The following SCP2 variants were observed in gnomAD, a reference collection of about 807,000 sequenced individuals.
The protein encoded by SCP2 is SCP-2/3-oxoacyl-CoA thiolase.
SCP2 carries 48 observed loss-of-function variants against 71.4 expected under a neutral mutation model. The ratio of observed to expected loss-of-function variants is 0.67; its 90% CI spans 0.53 to 0.86. The LOEUF (loss-of-function observed/expected upper bound fraction) is 0.86. SCP2 is among the 40% of genes least tolerant of loss of function. SCP2 has a pLI of 0.00. For synonymous variants in SCP2, 220 were observed against 218.1 expected, an observed-to-expected ratio of 1.01 and a Z score of -0.08; for missense variants, 560 against 655.6, an observed-to-expected ratio of 0.85 and a Z score of 1.59.
rs192341480 is a variant in SCP2 at position 52,988,306 on chromosome 1, A to G, written c.1081+170A>G. Among the ~76,000 whole-genome samples the G allele has an allele frequency of 2.4e-3, 369 of 152,352 alleles. 1 individual carries two copies. The highest frequency in any genetic ancestry group is 0.017 in the Middle Eastern group (5 of 294). ...ATGTTCCATTAAGTAGAGCACACTT[A>G]AATAATCTTCATTAATTGATGAGAA... On this transcript the variant is annotated intron_variant, in intron 11 of 15. Transcript: ENST00000371514.
intron 11 of SCP2, among the ~76,000 whole-genome samples, chr1:53,002,378 C>G (rs993755186): frequency 1.3e-5 from 2 of 152,118 alleles, no homozygotes; most frequent in Admixed American, 1.3e-4. Flanking sequence ...AAAGGGAATA[C>G]ATTTGTTTAA....
chr1:53,002,274 C>T (rs1281633555), intron 11 of SCP2, among the ~76,000 whole-genome samples: 1 of 152,064 alleles, frequency 6.6e-6, no homozygotes, highest in Non-Finnish European at 1.5e-5. Context: ...TTTCATTTGT[C>T]TCTCTACCTT....
rs71044447 is a variant in SCP2, at chr1:52,960,480, A to ATGTGTG, written c.397-989_397-984dup. Among the ~76,000 whole-genome samples, 1,341 of 139,574 alleles carry ATGTGTG rather than the reference A, an allele frequency of 9.6e-3. 20 individuals are homozygous for ATGTGTG. Among genetic ancestry groups the ATGTGTG allele is most frequent in the African/African-American group, 0.025 (905 of 36,276 alleles). 91.6% of individuals were successfully genotyped at this position (139,574 alleles called of 152,430 possible). A position where few individuals can be genotyped will look rare whatever the true frequency, so the allele number is the denominator to read the frequency against. On this transcript the variant is annotated intron_variant, in intron 5 of 15. Coordinates refer to ENST00000371514, the MANE Select transcript of SCP2 (RefSeq NM_002979.5). The stretch of plus-strand genomic sequence containing the variant: ...CCCACCATGCCTGGCTACTATGTAT[A>ATGTGTG]TGTGTGTGTGTGTGTGTGTGTGTGT...
intron 6 of SCP2, among the ~76,000 whole-genome samples, chr1:52,968,087 C>T (rs142275820): frequency 2.0e-5 from 3 of 152,110 alleles, no homozygotes; most frequent in Non-Finnish European, 2.9e-5. Context: ...ACTACAGGTG[C>T]GTGCCACCAT....
At chr1:52,987,954 G>A (rs1287085915) in intron 10 of SCP2, 75 bp from the exon 11 acceptor site, 5 of 828,272 alleles carry the variant, frequency 6.0e-6, no homozygotes, top group Non-Finnish European at 1.0e-5. Context: ...TTGGCTATAT[G>A]GAAATCTTAT....
At position 52,975,411 on chromosome 1, in the gene SCP2, C is replaced by G. The variant is rs1657876913; in HGVS notation, c.587+579C>G. On this transcript the variant is annotated intron_variant, in intron 7 of 15. Coordinates refer to ENST00000371514, the MANE Select transcript of SCP2 (RefSeq NM_002979.5). ...GGCCAGGCTGGTCTTGAACTTTGACCTCGTGATCCACCTGCCTCTGCCTCC... is the reference window on the plus strand; with the variant it reads ...GGCCAGGCTGGTCTTGAACTTTGACGTCGTGATCCACCTGCCTCTGCCTCC... Among the ~76,000 whole-genome samples the G allele has an allele frequency of 2.0e-5, 3 of 152,142 alleles. No homozygotes were observed. The South Asian group carries it at 6.2e-4, about 32-fold the overall frequency.
intron 4 of SCP2, among the ~76,000 whole-genome samples, chr1:52,952,775 T>C (rs1325197027): frequency 1.3e-5 from 2 of 152,010 alleles, no homozygotes; most frequent in African/African-American, 4.8e-5. Context: ...TTTTAAAACT[T>C]GGGGTAGCGG....
At chr1:53,006,930 A>G (rs1163232702) in intron 11 of SCP2, among the ~76,000 whole-genome samples, 1 of 152,000 alleles carries the variant, frequency 6.6e-6, no homozygotes, top group Non-Finnish European at 1.5e-5. Context: ...AAAGGGATGG[A>G]GGAAGATCTA....
chr1:53,003,907 T>C (rs960334315), intron 11 of SCP2, among the ~76,000 whole-genome samples: 1 of 152,194 alleles, frequency 6.6e-6, no homozygotes, highest in Non-Finnish European at 1.5e-5. Context: ...GCCATTTTTT[T>C]CCCTTAAAGT....
chr1:53,039,038 C>T lies in SCP2; in HGVS notation c.1460C>T (p.Pro487Leu), dbSNP rs1663226037. ...DVKNGKGSVL[P>L]NSDKKADCTI... ...AAGAATGGCAAAGGATCAGTGCTTC[C>T]TAACTCAGGTTAGTTTGGGAATGAC... is the stretch of plus-strand genomic sequence containing the variant. Residue 487 changes from proline (P) to leucine (L), a missense_variant, in exon 14 of 16, where the codon CCT becomes CTT. Around this residue, in one of 3 missense-constraint regions of SCP2, gnomAD observed 4 missense variants for 16.6 expected, o/e 0.24. Coordinates refer to ENST00000371514, the MANE Select transcript of SCP2 (RefSeq NM_002979.5). 6.2e-7 allele frequency: 1 copy of T among 1,614,042 alleles called. No individual in the cohort carries two copies. The highest frequency in any genetic ancestry group is 1.3e-5 in the African/African-American group (1 of 74,926).
At chr1:52,969,905 T>C (rs76073008) in intron 6 of SCP2, among the ~76,000 whole-genome samples, 8,486 of 152,262 alleles carry the variant, frequency 0.056, 394 homozygotes, top group African/African-American at 0.12. Flanking sequence ...TGTTCATTCA[T>C]GTCATAGCAT....
intron 3 of SCP2, among the ~76,000 whole-genome samples, chr1:52,949,049 G>C (rs1223846342): frequency 1.3e-5 from 2 of 151,560 alleles, no homozygotes; most frequent in Non-Finnish European, 2.9e-5. Flanking sequence ...ATCTACTACA[G>C]CTTATTTAGA....
chr1:52,972,812 C>T (rs920090087), intron 6 of SCP2, among the ~76,000 whole-genome samples: 4 of 152,214 alleles, frequency 2.6e-5, no homozygotes, highest in African/African-American at 9.6e-5. Flanking sequence ...TAACTACTCT[C>T]ATTAGACTTG....
intron 5 of SCP2, 97 bp from the exon 6 acceptor site, chr1:52,961,406 T>A: frequency 7.8e-7 from 1 of 1,274,654 alleles, no homozygotes; most frequent in Non-Finnish European, 1.1e-6. Context: ...GTGTACTATG[T>A]GCTTAGAATA....
intron 11 of SCP2, chr1:52,995,490 C>T (rs1011973440): frequency 4.6e-6 from 2 of 437,472 alleles, no homozygotes; most frequent in African/African-American, 4.0e-5. Flanking sequence ...AACTGGTGCC[C>T]TTACCACATC....
At chr1:52,941,729 C>T (rs1377310412) in intron 1 of SCP2, 67 bp from the exon 2 acceptor site, 19 of 995,476 alleles carry the variant, frequency 1.9e-5, no homozygotes, top group African/African-American at 1.3e-4. Context: ...AGCAAGACTC[C>T]GTCTCAAAAA....
chr1:52,967,524 A>T (rs1010670658), intron 6 of SCP2, among the ~76,000 whole-genome samples: 1 of 152,122 alleles, frequency 6.6e-6, no homozygotes, highest in East Asian at 1.9e-4. Context: ...TTATTTTGAG[A>T]TGGAGTCTTG....
intron 12 of SCP2, among the ~76,000 whole-genome samples, chr1:53,019,339 A>G (rs1557612828): frequency 6.6e-6 from 1 of 152,156 alleles, no homozygotes; most frequent in African/African-American, 2.4e-5. Flanking sequence ...AAATTTATTC[A>G]TATATTTATA....
intron 14 of SCP2, among the ~76,000 whole-genome samples, chr1:53,042,773 G>A (rs1663527041): frequency 6.6e-6 from 1 of 152,154 alleles, no homozygotes; most frequent in Non-Finnish European, 1.5e-5. Context: ...TTTGTTTATT[G>A]TTAACAAAGT....
Sources: gnomAD v4.1 joint callset for allele counts (sites outside exome capture counted in the v4.1 genomes callset) on GRCh38, gnomAD v4.1.1 for gene constraint, gnomAD v4.1.1 regional missense constraint, MANE v1.5 for transcripts, NCBI Gene and HGNC (gene_info 2026-07-23, HGNC 2026-07-21) for gene names.